The following BMAL2 variants were observed in gnomAD, a reference collection of about 807,000 sequenced individuals.
The protein encoded by BMAL2 is basic helix-loop-helix ARNT-like protein 2.
At chr12:27,333,893 T>C in the BMAL2 span, among the ~76,000 whole-genome samples, 1 of 152,264 alleles carries the variant, frequency 6.6e-6, no homozygotes, top group Non-Finnish European at 1.5e-5. Context: ...CAACGGGGCC[T>C]TTGGGACCAC....
chr12:27,370,146 A>C, the BMAL2 span: 3 of 1,613,816 alleles, frequency 1.9e-6, no homozygotes, highest in Non-Finnish European at 2.5e-6. Context: ...ATCATGACAG[A>C]AAAAGTGGTG....
At chr12:27,409,190 A>G in the BMAL2 span, among the ~76,000 whole-genome samples, 4 of 152,218 alleles carry the variant, frequency 2.6e-5, no homozygotes, top group Non-Finnish European at 5.9e-5. Context: ...TATAGATTCA[A>G]TGCCATCCCC....
the BMAL2 span, among the ~76,000 whole-genome samples, chr12:27,343,380 G>A: frequency 1.3e-5 from 2 of 152,128 alleles, no homozygotes; most frequent in Non-Finnish European, 1.5e-5. Context: ...AAAGTTAAAC[G>A]GAAGGTGTCT....
chr12:27,367,535 G>A, the BMAL2 span, among the ~76,000 whole-genome samples: 1 of 152,132 alleles, frequency 6.6e-6, no homozygotes, highest in African/African-American at 2.4e-5. Context: ...CAAAAGGATT[G>A]TAACATTGGT....
chr12:27,346,934 G>C, the BMAL2 span, among the ~76,000 whole-genome samples: 1 of 152,088 alleles, frequency 6.6e-6, no homozygotes, highest in Non-Finnish European at 1.5e-5. Flanking sequence ...AAAGCTGGTT[G>C]CTAAAAAGAG....
chr12:27,418,309 G>T, the BMAL2 span: 1 of 682,294 alleles, frequency 1.5e-6, no homozygotes, highest in Non-Finnish European at 2.4e-6. Context: ...TTAAAACTAA[G>T]GTTTTTTTCA....
At chr12:27,401,758 A>G in the BMAL2 span, 2 of 1,006,720 alleles carry the variant, frequency 2.0e-6, no homozygotes, top group South Asian at 2.1e-5. Flanking sequence ...CTAAACCATT[A>G]AAACTGTGTG....
chr12:27,399,842 A>G, the BMAL2 span, among the ~76,000 whole-genome samples: 1 of 152,030 alleles, frequency 6.6e-6, no homozygotes, highest in Non-Finnish European at 1.5e-5. Flanking sequence ...TATTGGATTT[A>G]TTTTTTGCTT....
the BMAL2 span, chr12:27,401,380 C>A: frequency 6.3e-7 from 1 of 1,589,508 alleles, no homozygotes; most frequent in Non-Finnish European, 8.6e-7. Flanking sequence ...ATGCATTGAG[C>A]AGAATACATT....
At chr12:27,390,334 G>C in the BMAL2 span, 1 of 1,307,886 alleles carries the variant, frequency 7.6e-7, no homozygotes, top group Non-Finnish European at 1.0e-6. Context: ...TATGGTCAAG[G>C]GAAATATTTG....
At chr12:27,406,689 G>A in the BMAL2 span, among the ~76,000 whole-genome samples, 24 of 152,246 alleles carry the variant, frequency 1.6e-4, no homozygotes, top group African/African-American at 4.3e-4. Context: ...ATCAGCTAAC[G>A]AGCAAAATAA....
At chr12:27,372,778 A>C in the BMAL2 span, among the ~76,000 whole-genome samples, 1 of 151,994 alleles carries the variant, frequency 6.6e-6, no homozygotes, top group Non-Finnish European at 1.5e-5. Context: ...AGTTCACGCC[A>C]TTCTCCTACC....
the BMAL2 span, among the ~76,000 whole-genome samples, chr12:27,342,644 C>T: frequency 6.6e-6 from 1 of 152,262 alleles, no homozygotes. Context: ...TCCTTGAACA[C>T]GTACCAGCTC....
the BMAL2 span, among the ~76,000 whole-genome samples, chr12:27,339,365 G>A: frequency 6.6e-6 from 1 of 152,130 alleles, no homozygotes; most frequent in Non-Finnish European, 1.5e-5. Context: ...TACCATTTAT[G>A]GGAACCTAGG....
the BMAL2 span, among the ~76,000 whole-genome samples, chr12:27,415,475 T>A: frequency 1.2e-4 from 18 of 152,190 alleles, no homozygotes; most frequent in Non-Finnish European, 1.3e-4. Flanking sequence ...CATTTTCCAC[T>A]TTAAAAAGAT....
the BMAL2 span, among the ~76,000 whole-genome samples, chr12:27,367,812 T>A: frequency 1.9e-5 from 2 of 104,084 alleles, no homozygotes; most frequent in South Asian, 3.8e-4. Flanking sequence ...TATATAGATA[T>A]AATGTGTGTG....
chr12:27,419,998 C>T, the BMAL2 span, among the ~76,000 whole-genome samples: 1 of 144,904 alleles, frequency 6.9e-6, no homozygotes, highest in Non-Finnish European at 1.5e-5. Flanking sequence ...ATTAAATTTT[C>T]TCCTTCCAGG....
the BMAL2 span, among the ~76,000 whole-genome samples, chr12:27,365,399 A>G: frequency 6.6e-6 from 1 of 151,946 alleles, no homozygotes; most frequent in African/African-American, 2.4e-5. Flanking sequence ...AGATTTTTGT[A>G]TTTTTGTTTG....
At chr12:27,368,947 A>G in the BMAL2 span, among the ~76,000 whole-genome samples, 1 of 152,142 alleles carries the variant, frequency 6.6e-6, no homozygotes, top group East Asian at 1.9e-4. Context: ...ATATTCTTTA[A>G]TGACTTCCCC....
Sources: allele counts gnomAD v4.1 joint callset (sites outside exome capture counted in the v4.1 genomes callset), GRCh38; gene constraint gnomAD v4.1.1; transcripts MANE v1.5; gene names NCBI Gene and HGNC (gene_info 2026-07-23, HGNC 2026-07-21).